The following COL11A1 variants were observed in gnomAD, a reference collection of about 807,000 sequenced individuals.
COL11A1 encodes collagen alpha-1(XI) chain.
In COL11A1, 74 loss-of-function variants were observed where a neutral mutation model predicts 265.2. The ratio of observed to expected loss-of-function variants is 0.28; its 90% CI spans 0.23 to 0.34. The LOEUF (loss-of-function observed/expected upper bound fraction) is 0.34. COL11A1 is among the 10% of genes least tolerant of loss of function. The probability of loss-of-function intolerance (pLI) is 1.00; values close to 1 mark genes in which losing one functional copy is unlikely to be tolerated. For missense variants in COL11A1, 2,165 were observed against 2,263.6 expected, an observed-to-expected ratio of 0.96 and a Z score of 0.88; for synonymous variants, 816 against 727.6, an observed-to-expected ratio of 1.12 and a Z score of -1.96.
chr1:102,885,804 C>G (rs570619446), intron 63 of COL11A1, among the ~76,000 whole-genome samples: 37 of 152,058 alleles, frequency 2.4e-4, no homozygotes, highest in Non-Finnish European at 5.1e-4. Context: ...AATCACTAAA[C>G]TAAATGTATA....
chr1:103,017,396 G>C (rs1467380615), intron 11 of COL11A1, among the ~76,000 whole-genome samples: 1 of 152,030 alleles, frequency 6.6e-6, no homozygotes, highest in Non-Finnish European at 1.5e-5. Context: ...GAAGAGTTTG[G>C]AGAGACTTAA....
intron 4 of COL11A1, among the ~76,000 whole-genome samples, chr1:103,050,752 A>G (rs1669746399): frequency 6.6e-6 from 1 of 151,878 alleles, no homozygotes; most frequent in African/African-American, 2.4e-5. Flanking sequence ...TTGGTCTTTG[A>G]TGATGGTGAC....
intron 36 of COL11A1, among the ~76,000 whole-genome samples, chr1:102,971,429 C>T (rs574100373): frequency 5.9e-5 from 9 of 151,974 alleles, no homozygotes; most frequent in South Asian, 2.1e-4. Context: ...ACATGGTCAA[C>T]GGGTAGAGAT....
intron 46 of COL11A1, among the ~76,000 whole-genome samples, chr1:102,933,960 C>A (rs896027945): frequency 2.0e-5 from 3 of 152,130 alleles, no homozygotes; most frequent in Admixed American, 2.0e-4. Context: ...GCACACGGTG[C>A]GCGCACCCAC....
rs1665161956 is a variant in COL11A1 at position 103,002,096 on chromosome 1, C to T, written c.2098-127G>A. On this transcript the variant is annotated intron_variant, in intron 23 of 66. Coordinates refer to ENST00000370096, the MANE Select transcript of COL11A1 (RefSeq NM_001854.4). ...AGAATCTGTATATATTCCCATACACCCCAAGGAATTTTAGAACACGATGAG... is the reference window on the plus strand; with the variant it reads ...AGAATCTGTATATATTCCCATACACTCCAAGGAATTTTAGAACACGATGAG... 5 of 827,240 alleles carry T rather than the reference C, an allele frequency of 6.0e-6. No homozygotes were observed. In the Admixed American group the frequency reaches 9.0e-5, roughly 15 times the overall value. 51.2% of individuals were successfully genotyped at this position (827,240 alleles called of 1,614,324 possible).
intron 4 of COL11A1, among the ~76,000 whole-genome samples, chr1:103,069,614 C>G (rs531843805): frequency 7.2e-5 from 11 of 151,796 alleles, no homozygotes; most frequent in Non-Finnish European, 1.2e-4. Flanking sequence ...AAAAAAAAGG[C>G]AAGTCACATA....
intron 24 of COL11A1, 147 bp from the exon 25 acceptor site, chr1:102,998,510 T>C: frequency 2.0e-6 from 1 of 505,782 alleles, no homozygotes; most frequent in Non-Finnish European, 3.4e-6. Context: ...AAATATATTA[T>C]TTGGAGGAAA....
intron 1 of COL11A1, among the ~76,000 whole-genome samples, chr1:103,105,755 C>T (rs1185960146): frequency 2.0e-5 from 3 of 152,038 alleles, no homozygotes; most frequent in African/African-American, 7.2e-5. Context: ...TTATTTTTCC[C>T]TTGTGTGGTG....
Position 103,005,747 on chromosome 1 carries a change from A to T in COL11A1, c.1845+91T>A. 2.7e-6 allele frequency: 4 copies of T among 1,476,610 alleles called. No individual in the cohort carries two copies. In the South Asian group the frequency reaches 3.5e-5, roughly 13 times the overall value. The allele number at this position is 1,476,610 out of a possible 1,614,324, so 91.5% of individuals were successfully genotyped here. ...AGTGGATTCACAAACGTTAAAATTA[A>T]TTTTTCTTCTTTTTCTGATTTTGCA... On this transcript the variant is annotated intron_variant, in intron 18 of 66. Coordinates refer to ENST00000370096, the MANE Select transcript of COL11A1 (RefSeq NM_001854.4).
At chr1:102,973,435 T>C (rs1408805014) in intron 36 of COL11A1, among the ~76,000 whole-genome samples, 3 of 152,164 alleles carry the variant, frequency 2.0e-5, no homozygotes, top group Middle Eastern at 3.2e-3. Context: ...CAATATTACA[T>C]GAGCCAAGCA....
chr1:102,961,403 C>A (rs898963183), intron 41 of COL11A1, among the ~76,000 whole-genome samples: 2 of 152,046 alleles, frequency 1.3e-5, no homozygotes, highest in African/African-American at 4.8e-5. Flanking sequence ...GTATCATTGA[C>A]AAATTCAAGT....
chr1:102,941,259 C>T (rs1234299062), intron 42 of COL11A1, among the ~76,000 whole-genome samples: 1 of 152,018 alleles, frequency 6.6e-6, no homozygotes, highest in African/African-American at 2.4e-5. Flanking sequence ...ACTTTATCTC[C>T]ATCACTGACA....
chr1:102,889,161 A>C (rs1056250975), intron 59 of COL11A1, among the ~76,000 whole-genome samples: 8 of 152,136 alleles, frequency 5.3e-5, no homozygotes, highest in African/African-American at 1.9e-4. Flanking sequence ...TATATGTGTT[A>C]ATGTGTATAT....
intron 28 of COL11A1, among the ~76,000 whole-genome samples, chr1:102,994,290 G>T (rs1353414417): frequency 6.6e-6 from 1 of 152,120 alleles, no homozygotes; most frequent in East Asian, 1.9e-4. Context: ...GTGGGACCTG[G>T]TGGGGGGTGA....
At chr1:102,951,305 T>C (rs892226144) in intron 41 of COL11A1, among the ~76,000 whole-genome samples, 12 of 152,236 alleles carry the variant, frequency 7.9e-5, no homozygotes, top group Non-Finnish European at 1.5e-4. Flanking sequence ...TGTCTCTTAA[T>C]TCATATTAAC....
At chr1:102,921,454 C>G in intron 48 of COL11A1, 64 bp downstream of exon 48, 1 of 1,299,182 alleles carries the variant, frequency 7.7e-7, no homozygotes, top group Non-Finnish European at 1.1e-6. Context: ...CAAAGAGCAT[C>G]TGCTATAAAA....
At chr1:102,935,197 G>A in intron 44 of COL11A1, 84 bp from the exon 45 acceptor site, 1 of 1,096,280 alleles carries the variant, frequency 9.1e-7, no homozygotes, top group Non-Finnish European at 1.4e-6. Context: ...AGCCTACCAA[G>A]ATCAAACACT....
intron 9 of COL11A1, among the ~76,000 whole-genome samples, chr1:103,020,273 T>C (rs1306500052): frequency 5.0e-5 from 7 of 139,430 alleles, no homozygotes; most frequent in Admixed American, 3.7e-4. Context: ...TTTTTAATGA[T>C]TGCCATTCTA....
At chr1:103,060,606 G>T (rs531010985) in intron 4 of COL11A1, among the ~76,000 whole-genome samples, 1 of 152,240 alleles carries the variant, frequency 6.6e-6, no homozygotes, top group South Asian at 2.1e-4. Flanking sequence ...ATACTTGCTT[G>T]CATTACTCAT....
Sources: allele counts gnomAD v4.1 joint callset (sites outside exome capture counted in the v4.1 genomes callset), GRCh38; gene constraint gnomAD v4.1.1; transcripts MANE v1.5; gene names NCBI Gene and HGNC (gene_info 2026-07-23, HGNC 2026-07-21).